SNRPD3: variants seen among roughly 807,000 people sequenced by gnomAD.
SNRPD3 encodes small nuclear ribonucleoprotein D3 polypeptide, also known as small nuclear ribonucleoprotein Sm D3.
For synonymous variants in SNRPD3, 66 were observed against 58.4 expected, an observed-to-expected ratio of 1.13 and a Z score of -0.59; for missense variants, 73 against 167.5, an observed-to-expected ratio of 0.44 and a Z score of 3.11.
At chr22:24,559,913 G>A (rs761372600) in intron 2 of SNRPD3, among the ~76,000 whole-genome samples, 3 of 152,014 alleles carry the variant, frequency 2.0e-5, no homozygotes, top group Non-Finnish European at 4.4e-5. Context: ...TGAGGAATGT[G>A]AAGGAAGGAT....
intron 2 of SNRPD3, among the ~76,000 whole-genome samples, chr22:24,565,604 T>A (rs1392977135): frequency 2.0e-5 from 3 of 152,192 alleles, no homozygotes; most frequent in African/African-American, 7.2e-5. Flanking sequence ...CTATTTTGTG[T>A]CTTCTACAGA....
intron 2 of SNRPD3, among the ~76,000 whole-genome samples, chr22:24,560,630 A>T (rs1369937369): frequency 2.0e-5 from 3 of 147,174 alleles, no homozygotes; most frequent in Non-Finnish European, 3.0e-5. Flanking sequence ...GGGTTTCCCC[A>T]TGTTGCCCAG....
In SNRPD3 at chr22:24,573,917, C is replaced by T. The variant is rs2147134819; in HGVS notation, c.*1940C>T. 6.6e-6 allele frequency among the ~76,000 whole-genome samples: 1 copy of T among 152,284 alleles called. No homozygotes were observed. The highest frequency in any genetic ancestry group is 2.4e-5 in the African/African-American group (1 of 41,562). On this transcript the variant is annotated 3_prime_UTR_variant, in exon 4 of 4. Transcript: ENST00000215829. ...AAATGAAAGCAGTGGTTTTCAACAT[C>T]AACTAAGGATCTTATTAGAAATGAA... is the stretch of plus-strand genomic sequence containing the variant.
At chr22:24,564,668 T>A (rs1248345396) in intron 2 of SNRPD3, among the ~76,000 whole-genome samples, 2 of 152,170 alleles carry the variant, frequency 1.3e-5, no homozygotes, top group Admixed American at 1.3e-4. Context: ...AGGACATAGT[T>A]CATTTATGGA....
Position 24,574,814 on chromosome 22 carries a change from G to A in SNRPD3, c.*2837G>A, listed in dbSNP as rs1273312443. 2.0e-5 allele frequency among the ~76,000 whole-genome samples: 3 copies of A among 152,100 alleles called. No homozygotes were observed. Among genetic ancestry groups the A allele is most frequent in the Non-Finnish European group, 4.4e-5 (3 of 68,022 alleles). On this transcript the variant is annotated 3_prime_UTR_variant, in exon 4 of 4. Coordinates refer to ENST00000215829, the MANE Select transcript of SNRPD3 (RefSeq NM_004175.5). ...GCCTCGGCCTGCTGGGATTATAGGT[G>A]TGAGCCACTGCACCCGGCCACCATT...
At chr22:24,567,867 A>C in intron 2 of SNRPD3, 117 bp from the exon 3 acceptor site, 1 of 734,442 alleles carries the variant, frequency 1.4e-6, no homozygotes. Context: ...TGGGTAATTC[A>C]CCAGCTTTGT....
At chr22:24,560,347 C>A (rs2045122185) in intron 2 of SNRPD3, among the ~76,000 whole-genome samples, 1 of 150,862 alleles carries the variant, frequency 6.6e-6, no homozygotes, top group Non-Finnish European at 1.5e-5. Context: ...TGGTCTCGAA[C>A]TCCTGACCTT....
chr22:24,559,518 T>G (rs569367900), intron 2 of SNRPD3, among the ~76,000 whole-genome samples: 1 of 152,318 alleles, frequency 6.6e-6, no homozygotes, highest in South Asian at 2.1e-4. Context: ...ATCCGTAACG[T>G]GAAGGTGTCT....
intron 2 of SNRPD3, among the ~76,000 whole-genome samples, chr22:24,562,903 CAT>C (rs942893652): frequency 6.6e-6 from 1 of 152,172 alleles, no homozygotes; most frequent in African/African-American, 2.4e-5. Flanking sequence ...TTCCAAAATG[CAT>C]AGTGTTCTTA....
At position 24,574,226 on chromosome 22, in the gene SNRPD3, G is replaced by C. The variant is rs2045271090; in HGVS notation, c.*2249G>C. ...TGTAGTTCACTCTGGACCCGTACAG[G>C]AACACCAGCCTTGCAGATTCTCCAC... On this transcript the variant is annotated 3_prime_UTR_variant, in exon 4 of 4. Coordinates refer to ENST00000215829, the MANE Select transcript of SNRPD3 (RefSeq NM_004175.5). Among the ~76,000 whole-genome samples, 1 of 152,146 alleles carries C rather than the reference G, an allele frequency of 6.6e-6. No homozygotes were observed. Among genetic ancestry groups the C allele is most frequent in the Admixed American group, 6.5e-5 (1 of 15,268 alleles).
intron 2 of SNRPD3, among the ~76,000 whole-genome samples, chr22:24,562,125 T>A (rs374965194): frequency 4.6e-5 from 7 of 152,386 alleles, no homozygotes; most frequent in African/African-American, 1.4e-4. Flanking sequence ...CCCAAAGTAT[T>A]GGAATTACAG....
In SNRPD3 at chr22:24,556,067, A is replaced by T. The variant is rs1473117652; in HGVS notation, c.-23A>T. 1 of 601,122 alleles carries T rather than the reference A, an allele frequency of 1.7e-6. No homozygotes were observed. The highest frequency in any genetic ancestry group is 2.9e-6 in the Non-Finnish European group (1 of 340,012). The allele number at this position is 601,122 out of a possible 1,614,324, so 37.2% of individuals were successfully genotyped here. Reference sequence around the variant, plus strand: ...ACCGAAGAGAAGAAAAGTAGGCCAGAGCCGGTGAGGCTGGGGACGGGCGAG... The same window carrying T: ...ACCGAAGAGAAGAAAAGTAGGCCAGTGCCGGTGAGGCTGGGGACGGGCGAG... On this transcript the variant is annotated 5_prime_UTR_variant, in exon 1 of 4. Coordinates refer to ENST00000215829, the MANE Select transcript of SNRPD3 (RefSeq NM_004175.5).
At position 24,560,715 on chromosome 22, in the gene SNRPD3, C is replaced by CCTTTTTTTTTTTT. The variant is rs1569024539; in HGVS notation, c.126+2915_126+2916insCTTTTTTTTTTTT. On this transcript the variant is annotated intron_variant, in intron 2 of 3. Coordinates refer to ENST00000215829, the MANE Select transcript of SNRPD3 (RefSeq NM_004175.5). ...ACAGGCGTGAGCCACTGCACCTGGC[C>CCTTTTTTTTTTTT]TTTTTTTTTTTTTTTTTTTTTTTTT... 2.0e-5 allele frequency among the ~76,000 whole-genome samples: 2 copies of CCTTTTTTTTTTTT among 98,864 alleles called. 1 individual carries two copies. The allele number at this position is 98,864 out of a possible 152,430, so 64.9% of individuals were successfully genotyped here.
Position 24,557,712 on chromosome 22 carries a change from C to T in SNRPD3, c.38C>T (p.Ala13Val). The T allele has an allele frequency of 6.2e-7, 1 of 1,612,682 alleles. No individual in the cohort carries two copies. The highest frequency in any genetic ancestry group is 2.2e-5 in the East Asian group (1 of 44,812). ...IGVPIKVLHE[A>V]EGHIVTCETN... ...GTGCCGATTAAAGTACTGCATGAGG[C>T]CGAGGGCCACATTGTGACATGTGAG... Residue 13 changes from alanine (A) to valine (V), a missense_variant, in exon 2 of 4, where the codon GCC (alanine) becomes GTC (valine). By Grantham distance (64) the Ala-to-Val change is moderately conservative. Transcript: ENST00000215829.
rs2045267470 is a variant in SNRPD3 at position 24,573,721 on chromosome 22, C to G, written c.*1744C>G. Among the ~76,000 whole-genome samples the G allele has an allele frequency of 6.6e-6, 1 of 152,174 alleles. No homozygotes were observed. The highest frequency in any genetic ancestry group is 6.5e-5 in the Admixed American group (1 of 15,270). On this transcript the variant is annotated 3_prime_UTR_variant, in exon 4 of 4. Transcript: ENST00000215829. ...TTTGTTAACCAAGACCGCATCTCTA[C>G]AAAAAATTGAAAAGTAGCTGGGCAC...
intron 3 of SNRPD3, among the ~76,000 whole-genome samples, chr22:24,569,313 A>C (rs898282451): frequency 2.0e-5 from 3 of 152,172 alleles, no homozygotes; most frequent in African/African-American, 7.2e-5. Context: ...TAGGTTCATG[A>C]AAGTTCTGTC....
chr22:24,559,493 G>A (rs985386211), intron 2 of SNRPD3, among the ~76,000 whole-genome samples: 2 of 152,098 alleles, frequency 1.3e-5, no homozygotes, highest in African/African-American at 4.8e-5. Flanking sequence ...GGGTTTCCAG[G>A]GCCTTTGTCA....
chr22:24,569,116 G>C (rs2045225595), intron 3 of SNRPD3, among the ~76,000 whole-genome samples: 1 of 152,146 alleles, frequency 6.6e-6, no homozygotes, highest in African/African-American at 2.4e-5. Context: ...TCGAGTGTGA[G>C]GGCAGCATTT....
chr22:24,567,919 G>A, intron 2 of SNRPD3, 65 bp from the exon 3 acceptor site: 2 of 1,339,226 alleles, frequency 1.5e-6, no homozygotes, highest in Non-Finnish European at 2.1e-6. Flanking sequence ...CCTCCCACCA[G>A]TCAAGGCCCT....
Sources: allele counts gnomAD v4.1 joint callset (sites outside exome capture counted in the v4.1 genomes callset), GRCh38; gene constraint gnomAD v4.1.1; transcripts MANE v1.5; gene names NCBI Gene and HGNC (gene_info 2026-07-23, HGNC 2026-07-21).